The following ROBO1 variants were observed in gnomAD, a reference collection of about 807,000 sequenced individuals.
The protein encoded by ROBO1 is roundabout homolog 1.
In ROBO1, 149 loss-of-function variants were observed where a neutral mutation model predicts 195.9. That is an observed-to-expected ratio of 0.76 (90% CI 0.67 to 0.87). ROBO1 has a LOEUF of 0.87. ROBO1 is among the 40% of genes least tolerant of loss of function. ROBO1 has a pLI of 0.00. For missense variants in ROBO1, 1,933 were observed against 2,068.3 expected (o/e 0.93, Z 1.27); for synonymous variants, 816 against 733.2 (o/e 1.11, Z -1.82).
intron 2 of ROBO1, among the ~76,000 whole-genome samples, chr3:79,408,456 A>G (rs896331951): frequency 6.6e-6 from 1 of 152,000 alleles, no homozygotes; most frequent in Non-Finnish European, 1.5e-5. Context: ...AAATAGACAT[A>G]TTTCTTGCCT....
intron 2 of ROBO1, among the ~76,000 whole-genome samples, chr3:79,238,267 T>C (rs190890178): frequency 6.6e-6 from 1 of 152,286 alleles, no homozygotes; most frequent in East Asian, 1.9e-4. Context: ...CTGATGAGAT[T>C]TTAACTGTAT....
chr3:79,710,550 C>A (rs1008608125), intron 1 of ROBO1, among the ~76,000 whole-genome samples: 21 of 152,072 alleles, frequency 1.4e-4, no homozygotes, highest in African/African-American at 4.6e-4. Flanking sequence ...AAATAGCCTA[C>A]AGGAACTTTT....
intron 2 of ROBO1, among the ~76,000 whole-genome samples, chr3:79,223,290 A>G (rs115520981): frequency 0.025 from 3,847 of 152,250 alleles, 66 homozygotes; most frequent in African/African-American, 0.025. Context: ...CATCTGAATT[A>G]TATCTCATAA....
chr3:78,597,257 T>A lies in ROBO1; in HGVS notation c.*1656A>T, dbSNP rs1362777014. On this transcript the variant is annotated 3_prime_UTR_variant, in exon 31 of 31. Coordinates refer to ENST00000464233, the MANE Select transcript of ROBO1 (RefSeq NM_002941.4). The stretch of plus-strand genomic sequence containing the variant: ...AGAAAGATGTATTTGAGAACATTTT[T>A]AATAAATAATGTGACAAAATTACTT... The A allele has an allele frequency of 6.6e-6, 1 of 152,598 alleles. No individual in the cohort carries two copies. Among genetic ancestry groups the A allele is most frequent in the African/African-American group, 2.4e-5 (1 of 41,446 alleles). The allele number at this position is 152,598 out of a possible 1,614,324, so 9.5% of individuals were successfully genotyped here.
At chr3:79,315,274 T>A (rs2033682084) in intron 2 of ROBO1, among the ~76,000 whole-genome samples, 1 of 152,214 alleles carries the variant, frequency 6.6e-6, no homozygotes, top group Non-Finnish European at 1.5e-5. Context: ...TGATCTCATC[T>A]TTATAAGAAA....
At chr3:78,860,326 A>ATATATATATATATATATT (rs376853384) in intron 4 of ROBO1, among the ~76,000 whole-genome samples, 12 of 93,496 alleles carry the variant, frequency 1.3e-4, no homozygotes, top group African/African-American at 3.2e-4. Context: ...ATATATATAT[A>ATATATATATATATATATT]TTTTTTTTTT....
intron 21 of ROBO1, among the ~76,000 whole-genome samples, chr3:78,645,806 T>A (rs1375666351): frequency 6.6e-6 from 1 of 152,110 alleles, no homozygotes; most frequent in Non-Finnish European, 1.5e-5. Flanking sequence ...GAACTCTTTT[T>A]CTTGGATAGT....
chr3:78,674,088 G>C (rs1167806000), intron 10 of ROBO1, among the ~76,000 whole-genome samples: 1 of 151,942 alleles, frequency 6.6e-6, no homozygotes, highest in South Asian at 2.1e-4. Flanking sequence ...AGATGAATAC[G>C]AATGATTTTA....
In ROBO1 at chr3:78,636,214, T is replaced by A. The variant is rs1275870384; in HGVS notation, c.3038-106A>T. 5.4e-6 allele frequency: 4 copies of A among 747,322 alleles called. No homozygotes were observed. The African/African-American group carries it at 7.1e-5, about 13-fold the overall frequency. The allele number at this position is 747,322 out of a possible 1,614,324, so 46.3% of individuals were successfully genotyped here. A position where few individuals can be genotyped will look rare whatever the true frequency, so the allele number is the denominator to read the frequency against. ...GTCATCAGAAAATCGTTATGTAAAG[T>A]ACAAGTGGGCTTAAATAAGATCAAT... On this transcript the variant is annotated intron_variant, in intron 22 of 30. Transcript: ENST00000464233.
intron 2 of ROBO1, among the ~76,000 whole-genome samples, chr3:79,440,877 C>T (rs1309572361): frequency 1.3e-5 from 2 of 152,030 alleles, no homozygotes; most frequent in East Asian, 3.9e-4. Flanking sequence ...CTTCGGATGC[C>T]ATCAAATGGA....
intron 7 of ROBO1, among the ~76,000 whole-genome samples, chr3:78,716,198 T>C (rs2081898361): frequency 6.6e-6 from 1 of 152,294 alleles, no homozygotes; most frequent in African/African-American, 2.4e-5. Context: ...CTGGCACAGG[T>C]TTACCTTTAT....
chr3:79,408,749 G>T (rs1447263894), intron 2 of ROBO1, among the ~76,000 whole-genome samples: 22 of 151,948 alleles, frequency 1.4e-4, no homozygotes, highest in Admixed American at 9.8e-4. Flanking sequence ...GTTTTAAAGG[G>T]TCTACTAGAC....
chr3:79,502,721 C>T (rs901585717), intron 2 of ROBO1, among the ~76,000 whole-genome samples: 2 of 151,690 alleles, frequency 1.3e-5, no homozygotes, highest in African/African-American at 4.9e-5. Context: ...TTATGTCTAG[C>T]TAAGGGATTG....
chr3:79,192,272 A>G (rs2081554129), intron 2 of ROBO1, among the ~76,000 whole-genome samples: 2 of 151,668 alleles, frequency 1.3e-5, no homozygotes, highest in Non-Finnish European at 3.0e-5. Context: ...TCACTCATTT[A>G]TATAACAGAT....
Position 79,388,405 on chromosome 3 carries a change from T to C in ROBO1, c.88+201419A>G, listed in dbSNP as rs567931629. ...TCCCACCTCCTGTAATCAGCACCCC[T>C]GGGGATGGGTGTGAGGGGGGCAGGT... is the stretch of plus-strand genomic sequence containing the variant. On this transcript the variant is annotated intron_variant, in intron 2 of 30. Coordinates refer to ENST00000464233, the MANE Select transcript of ROBO1 (RefSeq NM_002941.4). Among the ~76,000 whole-genome samples, 8 of 152,156 alleles carry C rather than the reference T, an allele frequency of 5.3e-5. No individual in the cohort carries two copies. In the South Asian group the frequency reaches 1.5e-3, roughly 28 times the overall value.
At chr3:78,860,459 A>T (rs941276473) in intron 4 of ROBO1, among the ~76,000 whole-genome samples, 3 of 151,708 alleles carry the variant, frequency 2.0e-5, no homozygotes, top group Admixed American at 6.6e-5. Context: ...CAGAGGAAAC[A>T]TGGATTTTTC....
chr3:79,668,152 T>A (rs927390443), intron 1 of ROBO1, among the ~76,000 whole-genome samples: 2 of 151,878 alleles, frequency 1.3e-5, no homozygotes, highest in African/African-American at 4.8e-5. Flanking sequence ...AAAATATTTG[T>A]AAAGCTTTAT....
At chr3:79,675,654 A>T (rs1303071861) in intron 1 of ROBO1, among the ~76,000 whole-genome samples, 3 of 152,058 alleles carry the variant, frequency 2.0e-5, no homozygotes, top group South Asian at 2.1e-4. Flanking sequence ...ATTTAATTTT[A>T]AAAAATCATT....
chr3:79,664,848 A>T (rs9837582), intron 1 of ROBO1, among the ~76,000 whole-genome samples: 35,512 of 151,750 alleles, frequency 0.23, 4,434 homozygotes, highest in African/African-American at 0.32. Flanking sequence ...AGGTTTTCTG[A>T]AAAGTAAAGG....
Sources: gnomAD v4.1 joint callset for allele counts (sites outside exome capture counted in the v4.1 genomes callset) on GRCh38, gnomAD v4.1.1 for gene constraint, MANE v1.5 for transcripts, NCBI Gene and HGNC (gene_info 2026-07-23, HGNC 2026-07-21) for gene names.